Variants in NRXN1 observed in about 807,000 individuals in gnomAD.
NRXN1 encodes neurexin-1.
A neutral mutation model predicts 150.9 loss-of-function variants in NRXN1; 39 were observed. The observed-to-expected ratio is 0.26, with a 90% confidence interval of 0.20 to 0.34. NRXN1 has a LOEUF of 0.34. Among genes scored for constraint, NRXN1 ranks in the 10% least tolerant of loss-of-function variants. NRXN1 has a pLI of 1.00. For missense variants in NRXN1, 1,815 were observed against 1,949.9 expected, an observed-to-expected ratio of 0.93 and a Z score of 1.30; for synonymous variants, 924 against 757.0, an observed-to-expected ratio of 1.22 and a Z score of -3.62.
intron 17 of NRXN1, among the ~76,000 whole-genome samples, chr2:50,239,839 T>C (rs1377281320): frequency 1.3e-5 from 2 of 149,876 alleles, no homozygotes; most frequent in African/African-American, 2.4e-5. Context: ...TAAAGTGACA[T>C]TTGCTCTTCA....
chr2:50,836,099 C>T (rs1044760952), intron 5 of NRXN1, among the ~76,000 whole-genome samples: 10 of 152,072 alleles, frequency 6.6e-5, no homozygotes, highest in South Asian at 4.1e-4. Flanking sequence ...TTCTAGTTTT[C>T]GAAATTCAAA....
Position 50,465,571 on chromosome 2 carries a change from A to C in NRXN1, c.3245-10T>G, listed in dbSNP as rs1553645389. ...CAGGTTGTGCTGGGCCCTGCAAAAC[A>C]ATCCAAAGGAAACTTGGGTTCTTTA... On this transcript the variant is annotated splice_polypyrimidine_tract_variant and intron_variant, in intron 16 of 22. Transcript: ENST00000401669. The C allele has an allele frequency of 6.3e-7, 1 of 1,597,134 alleles. No individual in the cohort carries two copies. Among genetic ancestry groups the C allele is most frequent in the Non-Finnish European group, 8.5e-7 (1 of 1,170,812 alleles).
chr2:50,381,489 T>C (rs1162752929), intron 17 of NRXN1, among the ~76,000 whole-genome samples: 4 of 150,204 alleles, frequency 2.7e-5, no homozygotes, highest in Non-Finnish European at 5.9e-5. Flanking sequence ...AATTGGAATT[T>C]AGTGAGAAGT....
intron 17 of NRXN1, among the ~76,000 whole-genome samples, chr2:50,330,290 C>G (rs1419430676): frequency 1.3e-5 from 2 of 152,126 alleles, no homozygotes; most frequent in African/African-American, 4.8e-5. Context: ...TCTCAAACTT[C>G]TGTTTTCCAA....
At chr2:50,807,259 T>C (rs945597768) in intron 5 of NRXN1, among the ~76,000 whole-genome samples, 5 of 152,110 alleles carry the variant, frequency 3.3e-5, no homozygotes, top group African/African-American at 1.2e-4. Flanking sequence ...ATAACCTTCA[T>C]AATTATGACC....
chr2:50,647,565 G>A (rs1006559239), intron 5 of NRXN1, among the ~76,000 whole-genome samples: 4 of 151,802 alleles, frequency 2.6e-5, no homozygotes, highest in South Asian at 2.1e-4. Context: ...GCAAAGTAGC[G>A]CATACTATGG....
At chr2:50,779,788 TAAAAC>T (rs566857759) in intron 5 of NRXN1, among the ~76,000 whole-genome samples, 345 of 149,062 alleles carry the variant, frequency 2.3e-3, no homozygotes, top group African/African-American at 8.5e-3. Context: ...TAAAATAAAA[TAAAAC>T]AAAACAAAAT....
rs185085607 is a variant in NRXN1, at chr2:50,850,635, T to C, written c.832+71234A>G. 5.6e-4 allele frequency among the ~76,000 whole-genome samples: 85 copies of C among 152,316 alleles called. 1 individual carries two copies. The highest frequency in any genetic ancestry group is 2.0e-3 in the African/African-American group (82 of 41,576). On this transcript the variant is annotated intron_variant, in intron 5 of 22. Transcript: ENST00000401669. ...AAAGAATATTTGATTTTAAACTCTGTTTTTTGATGAGATTCATCACCTTCA... is the reference window on the plus strand; with the variant it reads ...AAAGAATATTTGATTTTAAACTCTGCTTTTTGATGAGATTCATCACCTTCA...
chr2:50,683,160 C>T (rs1312751333), intron 5 of NRXN1, among the ~76,000 whole-genome samples: 1 of 151,962 alleles, frequency 6.6e-6, no homozygotes, highest in Non-Finnish European at 1.5e-5. Flanking sequence ...ACAAAGTAAT[C>T]TACTTTGTAA....
chr2:50,841,313 A>G (rs1367562556), intron 5 of NRXN1, among the ~76,000 whole-genome samples: 1 of 152,194 alleles, frequency 6.6e-6, no homozygotes, highest in African/African-American at 2.4e-5. Context: ...TGAAATTTCC[A>G]GCCATACCTG....
chr2:49,938,299 T>C (rs528270746), intron 22 of NRXN1, among the ~76,000 whole-genome samples: 1 of 152,180 alleles, frequency 6.6e-6, no homozygotes, highest in Non-Finnish European at 1.5e-5. Context: ...AATAATGAGA[T>C]AGAATAATGT....
At chr2:50,805,845 T>A (rs1667440262) in intron 5 of NRXN1, among the ~76,000 whole-genome samples, 1 of 152,144 alleles carries the variant, frequency 6.6e-6, no homozygotes, top group Admixed American at 6.5e-5. Context: ...TGATCCACTT[T>A]GTTGGTTACT....
At chr2:50,628,902 G>T (rs768892337) in intron 5 of NRXN1, among the ~76,000 whole-genome samples, 1 of 151,462 alleles carries the variant, frequency 6.6e-6, no homozygotes, top group Non-Finnish European at 1.5e-5. Context: ...AGTATAAAAG[G>T]CTATCTTCAA....
At chr2:50,465,268 C>CT (rs2088699964) in intron 17 of NRXN1, 174 bp downstream of exon 17, 1 of 481,900 alleles carries the variant, frequency 2.1e-6, no homozygotes, top group African/African-American at 2.0e-5. Flanking sequence ...GATTTAGCCA[C>CT]TTTAACAATT....
At chr2:50,946,223 T>C (rs980031497) in intron 2 of NRXN1, among the ~76,000 whole-genome samples, 2 of 152,030 alleles carry the variant, frequency 1.3e-5, no homozygotes, top group African/African-American at 4.8e-5. Flanking sequence ...AAATGCTGCA[T>C]ACGACGCTAT....
intron 5 of NRXN1, among the ~76,000 whole-genome samples, chr2:50,812,913 C>T (rs1020979621): frequency 6.6e-6 from 1 of 151,622 alleles, no homozygotes; most frequent in African/African-American, 2.4e-5. Flanking sequence ...CTTTTGTAAT[C>T]TCAAAGCTGT....
intron 8 of NRXN1, among the ~76,000 whole-genome samples, chr2:50,585,158 G>C (rs1308609821): frequency 6.6e-6 from 1 of 152,062 alleles, no homozygotes; most frequent in African/African-American, 2.4e-5. Context: ...TTCGGTGTTC[G>C]GTGTGCTTAG....
chr2:50,146,370 C>A (rs952718163), intron 18 of NRXN1, among the ~76,000 whole-genome samples: 5 of 151,702 alleles, frequency 3.3e-5, no homozygotes, highest in Non-Finnish European at 1.5e-5. Context: ...TATAAAGACA[C>A]ATGCACATGG....
chr2:50,708,313 G>A (rs1694714738), intron 5 of NRXN1, among the ~76,000 whole-genome samples: 2 of 152,120 alleles, frequency 1.3e-5, no homozygotes, highest in South Asian at 2.1e-4. Context: ...CATAGAAACT[G>A]TAACTAAAGA....
Sources: allele counts gnomAD v4.1 joint callset (sites outside exome capture counted in the v4.1 genomes callset), GRCh38; gene constraint gnomAD v4.1.1; transcripts MANE v1.5; gene names NCBI Gene and HGNC (gene_info 2026-07-23, HGNC 2026-07-21).